SGCZ: variants seen among roughly 807,000 people sequenced by gnomAD.
SGCZ encodes zeta-sarcoglycan.
Under a neutral mutation model 41.3 loss-of-function variants are expected in SGCZ, and 40 were observed. The observed-to-expected ratio is 0.97, with a 90% CI of 0.75 to 1.26. SGCZ has a LOEUF of 1.26. SGCZ is among the 50% of genes most tolerant of loss of function. SGCZ has a pLI of 0.00. For synonymous variants in SGCZ, 206 were observed against 137.5 expected (o/e 1.50, Z -3.49); for missense variants, 552 against 369.8 (o/e 1.49, Z -4.04).
intron 1 of SGCZ, among the ~76,000 whole-genome samples, chr8:15,135,033 G>T (rs908977764): frequency 6.6e-6 from 1 of 152,228 alleles, no homozygotes; most frequent in Admixed American, 6.5e-5. Flanking sequence ...TGAGTGATTT[G>T]AGTTCATTTA....
chr8:14,777,433 C>A (rs1800440766), intron 1 of SGCZ, among the ~76,000 whole-genome samples: 5 of 152,076 alleles, frequency 3.3e-5, no homozygotes, highest in African/African-American at 1.2e-4. Flanking sequence ...CGCAAACGAA[C>A]AAATTACCAC....
intron 3 of SGCZ, among the ~76,000 whole-genome samples, chr8:14,282,022 G>A (rs1486467569): frequency 6.6e-6 from 1 of 151,906 alleles, no homozygotes; most frequent in Non-Finnish European, 1.5e-5. Context: ...TATCCAACCA[G>A]TTATCAAACC....
intron 2 of SGCZ, among the ~76,000 whole-genome samples, chr8:14,514,003 G>A (rs1802539108): frequency 6.6e-6 from 1 of 152,012 alleles, no homozygotes; most frequent in Non-Finnish European, 1.5e-5. Context: ...ATATTTCAGG[G>A]GTTTACAGCT....
chr8:14,282,904 T>C (rs925817344), intron 3 of SGCZ, among the ~76,000 whole-genome samples: 15 of 134,524 alleles, frequency 1.1e-4, no homozygotes, highest in Non-Finnish European at 9.3e-5. Flanking sequence ...GGCTGGAGTG[T>C]AGTGGCGCGA....
intron 4 of SGCZ, among the ~76,000 whole-genome samples, chr8:14,227,101 T>A (rs1806399295): frequency 6.6e-6 from 1 of 151,930 alleles, no homozygotes; most frequent in Non-Finnish European, 1.5e-5. Flanking sequence ...AATAAGGAGG[T>A]GGAATCATAA....
chr8:14,305,881 T>C (rs1329778669), intron 3 of SGCZ, among the ~76,000 whole-genome samples: 1 of 152,170 alleles, frequency 6.6e-6, no homozygotes, highest in Admixed American at 6.5e-5. Context: ...CACTCTCTAT[T>C]GCCGCTGGGC....
intron 1 of SGCZ, among the ~76,000 whole-genome samples, chr8:14,956,404 G>A (rs775675260): frequency 6.6e-6 from 1 of 151,970 alleles, no homozygotes; most frequent in African/African-American, 2.4e-5. Flanking sequence ...CCAATAATCT[G>A]CAATCTCAGC....
At chr8:14,877,476 T>C (rs1469579908) in intron 1 of SGCZ, among the ~76,000 whole-genome samples, 2 of 152,224 alleles carry the variant, frequency 1.3e-5, no homozygotes, top group African/African-American at 4.8e-5. Context: ...TGATAATTGC[T>C]TTAATTTTAT....
intron 1 of SGCZ, among the ~76,000 whole-genome samples, chr8:15,012,561 A>G (rs1340101441): frequency 3.2e-5 from 4 of 123,382 alleles, no homozygotes; most frequent in Admixed American, 1.0e-4. Flanking sequence ...TTTATATATA[A>G]CATATAAATA....
chr8:15,172,146 T>C (rs13261306), intron 1 of SGCZ, among the ~76,000 whole-genome samples: 68,187 of 138,524 alleles, frequency 0.49, 17,569 homozygotes, highest in Non-Finnish European at 0.55. Flanking sequence ...AAATGCCTTT[T>C]ATACTCTGTT....
chr8:14,476,620 A>G (rs1801369711), intron 2 of SGCZ, among the ~76,000 whole-genome samples: 1 of 152,126 alleles, frequency 6.6e-6, no homozygotes, highest in African/African-American at 2.4e-5. Flanking sequence ...TAATAAGATT[A>G]ATGATTCATT....
chr8:14,521,880 TGCTAGCTGTAAGTTTGC>T lies in SGCZ; in HGVS notation c.234+32835_234+32851del, dbSNP rs1332774794. On this transcript the variant is annotated intron_variant, in intron 2 of 7. Transcript: ENST00000382080. ...TTAAATTTTTCACCATCAAGCATAA[TGCTAGCTGTAAGTTTGC>T]TGTAGATGCTGTACGTCAATTTAAG... Among the ~76,000 whole-genome samples, 3 of 152,124 alleles carry T rather than the reference TGCTAGCTGTAAGTTTGC, an allele frequency of 2.0e-5. No homozygotes were observed. In the East Asian group the frequency reaches 5.8e-4, roughly 29 times the overall value.
At chr8:15,133,290 A>T (rs1015573551) in intron 1 of SGCZ, among the ~76,000 whole-genome samples, 11 of 152,230 alleles carry the variant, frequency 7.2e-5, no homozygotes, top group African/African-American at 2.7e-4. Flanking sequence ...TCTTAGAGTT[A>T]TAAATGTAAC....
At chr8:14,569,064 T>C (rs1481581525) in intron 1 of SGCZ, among the ~76,000 whole-genome samples, 1 of 152,154 alleles carries the variant, frequency 6.6e-6, no homozygotes, top group African/African-American at 2.4e-5. Context: ...AGCTTTCGAG[T>C]CAATATTATT....
chr8:15,216,451 A>G (rs1801407526), intron 1 of SGCZ, among the ~76,000 whole-genome samples: 1 of 151,764 alleles, frequency 6.6e-6, no homozygotes, highest in African/African-American at 2.4e-5. Context: ...CGATCTCCTG[A>G]CCTCATGATC....
intron 1 of SGCZ, among the ~76,000 whole-genome samples, chr8:14,930,499 G>A (rs879720887): frequency 1.3e-5 from 2 of 152,088 alleles, no homozygotes; most frequent in Non-Finnish European, 2.9e-5. Flanking sequence ...TATACCCAAA[G>A]GATTATAAAT....
chr8:14,955,800 C>CT (rs375735615), intron 1 of SGCZ, among the ~76,000 whole-genome samples: 43 of 151,716 alleles, frequency 2.8e-4, no homozygotes, highest in Non-Finnish European at 4.3e-4. Context: ...CAACTCAAAA[C>CT]TTTTTTATCA....
intron 1 of SGCZ, among the ~76,000 whole-genome samples, chr8:14,629,348 T>TC (rs1300413038): frequency 6.6e-6 from 1 of 151,984 alleles, no homozygotes; most frequent in Non-Finnish European, 1.5e-5. Flanking sequence ...TAGGTAAGAT[T>TC]AATGTAAAAT....
At chr8:15,151,102 C>A (rs558713705) in intron 1 of SGCZ, among the ~76,000 whole-genome samples, 1 of 152,240 alleles carries the variant, frequency 6.6e-6, no homozygotes, top group Non-Finnish European at 1.5e-5. Context: ...TTCGCTGGAG[C>A]GGCCTCGGAG....
Sources: gnomAD v4.1 joint callset for allele counts (sites outside exome capture counted in the v4.1 genomes callset) on GRCh38, gnomAD v4.1.1 for gene constraint, MANE v1.5 for transcripts, NCBI Gene and HGNC (gene_info 2026-07-23, HGNC 2026-07-21) for gene names.